The following FBN3 variants were observed in gnomAD, a reference collection of about 807,000 sequenced individuals.
FBN3 encodes fibrillin 3.
FBN3 carries 234 observed loss-of-function variants against 330.1 expected under a neutral mutation model. The ratio of observed to expected loss-of-function variants is 0.71; its 90% confidence interval spans 0.64 to 0.79. FBN3 has a LOEUF of 0.79. Ranked by LOEUF, FBN3 falls within the 30% of genes least tolerant of loss-of-function variation. FBN3 has a pLI of 0.00. For synonymous variants in FBN3, 1,458 were observed against 1,517.3 expected, an observed-to-expected ratio of 0.96 and a Z score of 0.91; for missense variants, 3,606 against 3,886.9, an observed-to-expected ratio of 0.93 and a Z score of 1.92.
chr19:8,087,888 C>A lies in FBN3; in HGVS notation c.6556G>T (p.Gly2186Cys). ...GCTGGACAGGTGCACAGGTAGGAGC[C>A]CTCGGTATTGTGGCAGCGGAAGGCA... ...LCAFRCHNTE[G>C]SYLCTCPAGY... The change falls in exon 53 of 64, where the codon GGC becomes TGC. Residue 2186 changes from glycine (G) to cysteine (C), a missense_variant. Gly to Cys is a radical substitution (Grantham distance 159). Coordinates refer to ENST00000600128, the MANE Select transcript of FBN3 (RefSeq NM_032447.5). The A allele has an allele frequency of 6.2e-7, 1 of 1,614,124 alleles. No homozygotes were observed. The highest frequency in any genetic ancestry group is 8.5e-7 in the Non-Finnish European group (1 of 1,180,030).
At chr19:8,120,048 T>C (rs1299558802) in intron 25 of FBN3, among the ~76,000 whole-genome samples, 1 of 151,852 alleles carries the variant, frequency 6.6e-6, no homozygotes, top group Non-Finnish European at 1.5e-5. Context: ...CTTAAACTCC[T>C]GGTCTCAAGC....
At chr19:8,090,344 G>A in intron 48 of FBN3, 93 bp from the exon 49 acceptor site, 1 of 1,447,464 alleles carries the variant, frequency 6.9e-7, no homozygotes, top group Non-Finnish European at 9.5e-7. Context: ...TGGTGAATGG[G>A]TTGTGCTGAT....
At position 8,094,441 on chromosome 19, in the gene FBN3, C is replaced by T; in HGVS notation, c.5905+5G>A. On this transcript the variant is annotated splice_donor_5th_base_variant and intron_variant, in intron 47 of 63. Coordinates refer to ENST00000600128, the MANE Select transcript of FBN3 (RefSeq NM_032447.5). Reference sequence around the variant, plus strand: ...CCAGAAACGGGAGTGGGGCTGGACACTCACCAATGCAGTGGTCACTCTGCA... The same window carrying T: ...CCAGAAACGGGAGTGGGGCTGGACATTCACCAATGCAGTGGTCACTCTGCA... 1 of 1,608,650 alleles carries T rather than the reference C, an allele frequency of 6.2e-7. No homozygotes were observed. Among genetic ancestry groups the T allele is most frequent in the Non-Finnish European group, 8.5e-7 (1 of 1,176,408 alleles).
At chr19:8,103,445 A>C in intron 39 of FBN3, 117 bp downstream of exon 39, 1 of 1,055,082 alleles carries the variant, frequency 9.5e-7, no homozygotes, top group Non-Finnish European at 1.4e-6. Context: ...GCCACATGTC[A>C]GCACTTCATA....
chr19:8,137,322 C>T (rs970627196), intron 10 of FBN3, among the ~76,000 whole-genome samples: 5 of 146,372 alleles, frequency 3.4e-5, no homozygotes, highest in Non-Finnish European at 7.5e-5. Context: ...CAACCTGGGG[C>T]CTTAGATCCC....
At chr19:8,074,877 A>T in intron 61 of FBN3, 194 bp downstream of exon 61, 1 of 635,516 alleles carries the variant, frequency 1.6e-6, no homozygotes, top group Non-Finnish European at 2.5e-6. Context: ...GAATGAACTC[A>T]GACACTTTTT....
chr19:8,135,936 G>GGCA, intron 13 of FBN3, 25 bp downstream of exon 13: 2 of 668,778 alleles, frequency 3.0e-6, no homozygotes, highest in Admixed American at 5.8e-5. Context: ...GGAAGCCCCT[G>GGCA]CCCACCCGCC....
At chr19:8,069,310 C>T (rs1032746032) in intron 63 of FBN3, among the ~76,000 whole-genome samples, 2 of 152,290 alleles carry the variant, frequency 1.3e-5, no homozygotes, top group South Asian at 2.1e-4. Context: ...AATAAGACAG[C>T]GAGCCTCAAT....
intron 30 of FBN3, among the ~76,000 whole-genome samples, chr19:8,114,066 C>T (rs1158942759): frequency 3.3e-5 from 5 of 151,234 alleles, no homozygotes; most frequent in African/African-American, 4.9e-5. Context: ...GAGAAGAAGG[C>T]CGTGTGAAGA....
chr19:8,090,342 G>A (rs912579980), intron 48 of FBN3, 91 bp from the exon 49 acceptor site: 2 of 1,454,296 alleles, frequency 1.4e-6, no homozygotes, highest in African/African-American at 1.4e-5. Flanking sequence ...CCTGGTGAAT[G>A]GGTTGTGCTG....
chr19:8,138,892 C>T (rs529831652), intron 8 of FBN3, among the ~76,000 whole-genome samples: 1 of 151,986 alleles, frequency 6.6e-6, no homozygotes, highest in African/African-American at 2.4e-5. Context: ...ACTAAAAATA[C>T]AAAAATTAGC....
At chr19:8,085,723 G>T (rs931262487) in intron 55 of FBN3, among the ~76,000 whole-genome samples, 154 bp from the exon 56 acceptor site, 2 of 152,092 alleles carry the variant, frequency 1.3e-5, no homozygotes, top group African/African-American at 2.4e-5. Context: ...GCCCTAGTGG[G>T]TCACCGGCTG....
intron 41 of FBN3, among the ~76,000 whole-genome samples, chr19:8,099,869 G>C (rs1230963829): frequency 2.6e-5 from 4 of 151,740 alleles, no homozygotes; most frequent in African/African-American, 9.7e-5. Flanking sequence ...AATTAGCCAG[G>C]CATGGTGGCA....
Position 8,109,706 on chromosome 19 carries a change from T to G in FBN3, c.4381A>C (p.Ile1461Leu). ...DPVNCINGVC[I>L]NTPGSYLCSC... is the part of the protein sequence containing the mutation. ...CAGAGGTAGCTGCCGGGGGTGTTAA[T>G]GCACACGCCGTTGATGCAGTTTACT... Residue 1461 changes from isoleucine to leucine, a missense_variant, in exon 35 of 64, where the codon ATT becomes CTT. By Grantham distance (5) the Ile-to-Leu change is conservative (BLOSUM62 2). Coordinates refer to ENST00000600128, the MANE Select transcript of FBN3 (RefSeq NM_032447.5). This position sits in a 1 kb window ranked among gnomAD's most constrained non-coding sequence, Gnocchi z 5.2. The G allele has an allele frequency of 1.3e-6, 2 of 1,551,552 alleles. No homozygotes were observed. Among genetic ancestry groups the G allele is most frequent in the Non-Finnish European group, 1.7e-6 (2 of 1,151,278 alleles).
chr19:8,113,741 G>T (rs184417361), intron 30 of FBN3, among the ~76,000 whole-genome samples: 2 of 149,968 alleles, frequency 1.3e-5, no homozygotes, highest in Admixed American at 6.7e-5. Flanking sequence ...GCAGTGACTC[G>T]TGCCTGTAAT....
chr19:8,123,357 A>G lies in FBN3; in HGVS notation c.3082+107T>C, dbSNP rs2082899164. 7 of 1,266,584 alleles carry G rather than the reference A, an allele frequency of 5.5e-6. No individual in the cohort carries two copies. In the South Asian group the frequency reaches 1.0e-4, roughly 19 times the overall value. 78.5% of individuals were successfully genotyped at this position (1,266,584 alleles called of 1,614,324 possible). A position where few individuals can be genotyped will look rare whatever the true frequency, so the allele number is the denominator to read the frequency against. On this transcript the variant is annotated intron_variant, in intron 24 of 63. Transcript: ENST00000600128. ...TAACAAGAGTAAAACTCCGTCTCGAAAAAAAAAAGAAGAAGAAAAAGAACA... is the reference window on the plus strand; with the variant it reads ...TAACAAGAGTAAAACTCCGTCTCGAGAAAAAAAAGAAGAAGAAAAAGAACA...
At chr19:8,147,693 G>A (rs1303988370) in intron 1 of FBN3, 196 bp from the exon 2 acceptor site, 3 of 457,204 alleles carry the variant, frequency 6.6e-6, no homozygotes, top group Non-Finnish European at 1.1e-5. Flanking sequence ...TGATGTTAGA[G>A]AAGGGTCTTG....
intron 29 of FBN3, 144 bp downstream of exon 29, chr19:8,116,530 A>T: frequency 1.2e-6 from 1 of 846,252 alleles, no homozygotes; most frequent in Non-Finnish European, 1.9e-6. Flanking sequence ...AAGTGCTGTT[A>T]CAAAGCCTCA....
At position 8,095,463 on chromosome 19, in the gene FBN3, TCGG is replaced by T; in HGVS notation, c.5694_5696del (p.Cys1898_Arg1899delinsTer). On this transcript the variant is annotated stop_gained and inframe_deletion, in exon 46 of 64. Transcript: ENST00000600128. LOFTEE classifies it high-confidence loss of function. ...CAGCTGTGTTGAGGCAATGGCCAAA[TCGG>T]CACACCTGCCCCACCAGGGTAGTAC... 3 of 1,613,600 alleles carry T rather than the reference TCGG, an allele frequency of 1.9e-6. 1 individual carries two copies. In the South Asian group the frequency reaches 3.3e-5, roughly 18 times the overall value.
Sources: gnomAD v4.1 joint callset for allele counts (sites outside exome capture counted in the v4.1 genomes callset) on GRCh38, gnomAD v4.1.1 for gene constraint, Gnocchi (gnomAD v3.1) non-coding constraint, MANE v1.5 for transcripts, NCBI Gene and HGNC (gene_info 2026-07-23, HGNC 2026-07-21) for gene names.